Variants in KIF7 observed in about 807,000 individuals in gnomAD.
KIF7 encodes kinesin-like protein KIF7.
KIF7 carries 104 observed loss-of-function variants against 135.7 expected under a neutral mutation model. The ratio of observed to expected loss-of-function variants is 0.77; its 90% CI spans 0.65 to 0.90. The LOEUF is 0.90. Among genes scored for constraint, KIF7 ranks in the 40% least tolerant of loss-of-function variants. The pLI, the probability that KIF7 is intolerant of heterozygous loss-of-function variation, is 0.00. For synonymous variants in KIF7, 883 were observed against 809.4 expected (o/e 1.09, Z -1.54); for missense variants, 2,005 against 1,839.1 (o/e 1.09, Z -1.65).
downstream of KIF7, chr15:89,625,427 G>A (rs748240391): frequency 7.4e-6 from 12 of 1,614,022 alleles, no homozygotes; most frequent in South Asian, 1.2e-4. Flanking sequence ...GGCGAGGTCG[G>A]TGCAGACCTT....
chr15:89,640,141 G>A (rs1963890672), intron 11 of KIF7, among the ~76,000 whole-genome samples: 1 of 151,486 alleles, frequency 6.6e-6, no homozygotes. Flanking sequence ...GGGGACTGTT[G>A]TGGGGTGGGG....
intron 11 of KIF7, among the ~76,000 whole-genome samples, chr15:89,639,782 C>G (rs1324530629): frequency 1.3e-5 from 2 of 151,092 alleles, no homozygotes; most frequent in African/African-American, 4.9e-5. Context: ...CCCAGCCATC[C>G]CATTACTGGG....
chr15:89,618,358 A>G, intron 1 of KIF7: 1 of 737,062 alleles, frequency 1.4e-6, no homozygotes, highest in East Asian at 2.5e-5. Flanking sequence ...AAATATTTAT[A>G]AGTGAATGTT....
At chr15:89,640,329 T>C (rs1045462388) in intron 11 of KIF7, among the ~76,000 whole-genome samples, 2 of 152,054 alleles carry the variant, frequency 1.3e-5, no homozygotes, top group African/African-American at 2.4e-5. Flanking sequence ...AATAACAGTA[T>C]ACTAATAATG....
upstream of KIF7, among the ~76,000 whole-genome samples, chr15:89,657,890 A>G (rs138658014): frequency 9.8e-5 from 15 of 152,386 alleles, no homozygotes; most frequent in East Asian, 2.9e-3. Flanking sequence ...GCAGAAGGGC[A>G]GTATGGGTGG....
chr15:89,644,618 GA>G (rs1963978290), intron 10 of KIF7, among the ~76,000 whole-genome samples: 2 of 152,108 alleles, frequency 1.3e-5, no homozygotes, highest in South Asian at 4.1e-4. Flanking sequence ...CCGGGAGGCA[GA>G]GGTTGCAGTG....
upstream of KIF7, among the ~76,000 whole-genome samples, chr15:89,659,167 G>A (rs1249244026): frequency 6.6e-6 from 1 of 152,130 alleles, no homozygotes; most frequent in Admixed American, 6.5e-5. Flanking sequence ...CAAGCTGGAA[G>A]AAGATATTTG....
Position 89,628,472 on chromosome 15 carries a change from C to A in KIF7, c.3979G>T (p.Glu1327Ter). Residue 1327 changes from glutamate (E) to a stop codon, truncating the protein, a stop_gained, in exon 19 of 19, where the codon GAA (glutamate) becomes TAA (stop). Transcript: ENST00000394412. LOFTEE classifies it high-confidence loss of function. ...ATCCCCGGGCTGGCTCGTCGCAGTT[C>A]CCGCCGGGGCTTGGACAAAGGCCCA... ...NFGPLSKPRR[E>*]LRRASPGMID... 1.2e-6 allele frequency: 2 copies of A among 1,610,432 alleles called. No individual in the cohort carries two copies. The highest frequency in any genetic ancestry group is 1.1e-5 in the South Asian group (1 of 90,918).
the KIF7 span, among the ~76,000 whole-genome samples, chr15:89,660,543 T>A: frequency 6.6e-6 from 1 of 152,176 alleles, no homozygotes. Context: ...GAGGTGAGTT[T>A]AGGAAAAGAA....
downstream of KIF7, chr15:89,623,584 A>G (rs370115103): frequency 1.3e-6 from 2 of 1,556,936 alleles, no homozygotes; most frequent in African/African-American, 1.4e-5. Context: ...ATCATGAGTT[A>G]TAATATTCAA....
chr15:89,620,763 C>T (rs1224337924), intron 1 of KIF7, among the ~76,000 whole-genome samples: 1 of 152,102 alleles, frequency 6.6e-6, no homozygotes, highest in African/African-American at 2.4e-5. Flanking sequence ...CACTCTGTTG[C>T]CCAGGCTGGA....
chr15:89,625,409 C>G, downstream of KIF7: 1 of 1,613,988 alleles, frequency 6.2e-7, no homozygotes, highest in Non-Finnish European at 8.5e-7. Context: ...GGCTCCTCTT[C>G]CGGGAGGGGC....
downstream of KIF7, chr15:89,626,946 C>CTTCTTCTAGATGAGGATGT: frequency 3.1e-6 from 5 of 1,612,852 alleles, no homozygotes; most frequent in Non-Finnish European, 4.2e-6. Flanking sequence ...GCCTTTCTAC[C>CTTCTTCTAGATGAGGATGT]TTCTTCTAGA....
rs1439862748 is a variant in KIF7 at position 89,642,301 on chromosome 15, G to T, written c.2296C>A (p.Leu766Met). The T allele has an allele frequency of 6.2e-7, 1 of 1,610,188 alleles. No homozygotes were observed. ...RAELSEGQRQ[L>M]RELEGKELQD... ...AGCTCCTTGCCCTCGAGCTCCCGCAGCTGCCTCTGGCCTTCACTCAGCTCG... is the reference window on the plus strand; with the variant it reads ...AGCTCCTTGCCCTCGAGCTCCCGCATCTGCCTCTGGCCTTCACTCAGCTCG... Residue 766 changes from leucine (L) to methionine (M), a missense_variant, in exon 11 of 19, where the codon CTG (leucine) becomes ATG (methionine). Transcript: ENST00000394412.
Position 89,645,074 on chromosome 15 carries a change from G to C in KIF7, c.2130C>G (p.Ile710Met), listed in dbSNP as rs1422293026. Residue 710 changes from isoleucine to methionine, a missense_variant, in exon 10 of 19, where the codon ATC (isoleucine) becomes ATG (methionine). By Grantham distance (10) the Ile-to-Met change is conservative. Transcript: ENST00000394412. ...EWRLAQAQQKIRELAINIRMK... is the reference protein window; with the variant it reads ...EWRLAQAQQKMRELAINIRMK... The stretch of plus-strand genomic sequence containing the variant: ...TGCGGATGTTGATAGCCAGCTCCCG[G>C]ATCTTCTGCTGGGCCTGGGCCAGCC... 1.2e-5 allele frequency: 20 copies of C among 1,605,360 alleles called. No individual in the cohort carries two copies. Among genetic ancestry groups the C allele is most frequent in the Non-Finnish European group, 1.7e-5 (20 of 1,179,976 alleles).
downstream of KIF7, chr15:89,624,161 T>C (rs753382892): frequency 1.2e-6 from 2 of 1,613,730 alleles, no homozygotes; most frequent in South Asian, 1.1e-5. Context: ...GCCCAGAAAC[T>C]AAAGGATAAA....
rs145701524 is a variant in KIF7 at position 89,633,703 on chromosome 15, G to A, written c.2575C>T (p.Arg859Trp). ...AGCCTGACCTTGACGCGGTGCTGCCGCTTGCTCATTTCTGCCTCCAGGCGC... is the reference window on the plus strand; with the variant it reads ...AGCCTGACCTTGACGCGGTGCTGCCACTTGCTCATTTCTGCCTCCAGGCGC... ...KRRLEAEMSKRQHRVKELELK... is the reference protein window; with the variant it reads ...KRRLEAEMSKWQHRVKELELK... Residue 859 changes from arginine to tryptophan, a missense_variant, in exon 12 of 19, where the codon CGG becomes TGG. Arg to Trp is a moderately radical substitution (Grantham distance 101). Transcript: ENST00000394412. 1.5e-5 allele frequency: 24 copies of A among 1,607,514 alleles called. No individual in the cohort carries two copies. The highest frequency in any genetic ancestry group is 4.4e-5 in the South Asian group (4 of 90,990).
chr15:89,629,259 C>T (rs1437486088), intron 17 of KIF7, 116 bp downstream of exon 17: 153 of 1,167,920 alleles, frequency 1.3e-4, no homozygotes, highest in Non-Finnish European at 1.7e-4. Context: ...GCTGTAGGTG[C>T]AGGGGCTGTG....
At chr15:89,624,775 G>A (rs757505811), downstream of KIF7, 1 of 1,614,108 alleles carries the variant, frequency 6.2e-7, no homozygotes, top group Non-Finnish European at 8.5e-7. Context: ...GGAAGAGGGT[G>A]AGGGGCTAAG....
Sources: gnomAD v4.1 joint callset for allele counts (sites outside exome capture counted in the v4.1 genomes callset) on GRCh38, gnomAD v4.1.1 for gene constraint, MANE v1.5 for transcripts, NCBI Gene and HGNC (gene_info 2026-07-23, HGNC 2026-07-21) for gene names.